MGMT: variants seen among roughly 807,000 people sequenced by gnomAD.
MGMT encodes the protein O-6-methylguanine-DNA methyltransferase.
In MGMT, 14 loss-of-function variants were observed where a neutral mutation model predicts 15.9. The observed-to-expected ratio is 0.88, with a 90% confidence interval of 0.58 to 1.37. MGMT has a LOEUF of 1.37. Among genes scored for constraint, MGMT ranks in the 40% most tolerant of loss-of-function variants. The pLI is 0.00. For missense variants in MGMT, 282 were observed against 268.1 expected (o/e 1.05, Z -0.36); for synonymous variants, 130 against 118.2 (o/e 1.10, Z -0.65).
At chr10:129,604,995 A>G (rs1270866615) in intron 2 of MGMT, among the ~76,000 whole-genome samples, 3 of 152,168 alleles carry the variant, frequency 2.0e-5, no homozygotes, top group Non-Finnish European at 1.5e-5. Flanking sequence ...GCACAGGATT[A>G]TCTGTCTGCC....
intron 1 of MGMT, among the ~76,000 whole-genome samples, chr10:129,469,067 G>A (rs1403358388): frequency 6.6e-6 from 1 of 152,056 alleles, no homozygotes; most frequent in Non-Finnish European, 1.5e-5. Flanking sequence ...GATATCACCT[G>A]GGCCTTACTT....
chr10:129,646,754 A>ATATTTT, intron 2 of MGMT, among the ~76,000 whole-genome samples: 2 of 86,678 alleles, frequency 2.3e-5, no homozygotes, highest in African/African-American at 7.9e-5. Flanking sequence ...ATATATATAT[A>ATATTTT]TTTTCAGGGA....
intron 3 of MGMT, among the ~76,000 whole-genome samples, chr10:129,749,287 G>A (rs1177681850): frequency 6.6e-6 from 1 of 152,008 alleles, no homozygotes; most frequent in African/African-American, 2.4e-5. Flanking sequence ...CACCTATTCA[G>A]TCCCCCGCTC....
Position 129,532,019 on chromosome 10 carries a change from T to C in MGMT, c.-12-4222T>C, listed in dbSNP as rs894844080. Among the ~76,000 whole-genome samples the C allele has an allele frequency of 3.3e-5, 5 of 152,230 alleles. No individual in the cohort carries two copies. Among genetic ancestry groups the C allele is most frequent in the African/African-American group, 1.2e-4 (5 of 41,460 alleles). On this transcript the variant is annotated intron_variant, in intron 1 of 4. Coordinates refer to ENST00000651593, the MANE Select transcript of MGMT (RefSeq NM_002412.5). This position sits in a 1 kb window ranked among gnomAD's most constrained non-coding sequence, Gnocchi z 5.3. ...TTCATTGTTGCAGTTATAAACTGGT[T>C]GCCTTTTTTCGGTTCTTGGAATGAT...
chr10:129,618,191 T>A (rs1564738771), intron 2 of MGMT, among the ~76,000 whole-genome samples: 1 of 152,164 alleles, frequency 6.6e-6, no homozygotes, highest in South Asian at 2.1e-4. Context: ...AAACTTTTTT[T>A]AAAAAGGATT....
intron 1 of MGMT, among the ~76,000 whole-genome samples, chr10:129,512,503 G>T (rs1252416764): frequency 6.6e-6 from 1 of 152,172 alleles, no homozygotes; most frequent in Non-Finnish European, 1.5e-5. Flanking sequence ...TCGTTCTCAT[G>T]CCTTTGAGCT....
At chr10:129,673,055 C>G (rs1307163757) in intron 2 of MGMT, among the ~76,000 whole-genome samples, 2 of 152,136 alleles carry the variant, frequency 1.3e-5, no homozygotes, top group African/African-American at 4.8e-5. Flanking sequence ...CACTTTTACT[C>G]CTACAAGGTG....
chr10:129,675,894 G>A (rs1449560523), intron 2 of MGMT, among the ~76,000 whole-genome samples: 2 of 152,044 alleles, frequency 1.3e-5, no homozygotes, highest in East Asian at 3.9e-4. Context: ...CACCCACCAG[G>A]TCCCTTTTCC....
chr10:129,564,609 CCCT>C (rs1183900607), intron 2 of MGMT, among the ~76,000 whole-genome samples: 4 of 73,290 alleles, frequency 5.5e-5, no homozygotes, highest in Admixed American at 1.4e-4. Flanking sequence ...CTCCTCCTCC[CCCT>C]CCTCCTCCTC....
intron 3 of MGMT, among the ~76,000 whole-genome samples, chr10:129,738,463 C>T (rs1848592329): frequency 6.6e-6 from 1 of 152,256 alleles, no homozygotes; most frequent in African/African-American, 2.4e-5. Flanking sequence ...CTGGCACTCC[C>T]TAGTGAGATG....
At chr10:129,751,960 GAA>G (rs1848754723) in intron 3 of MGMT, among the ~76,000 whole-genome samples, 1 of 151,852 alleles carries the variant, frequency 6.6e-6, no homozygotes, top group Admixed American at 6.6e-5. Flanking sequence ...ATGCACACTT[GAA>G]AAGAGTATAG....
intron 2 of MGMT, among the ~76,000 whole-genome samples, chr10:129,559,027 A>G (rs148448925): frequency 1.3e-3 from 194 of 152,292 alleles, no homozygotes; most frequent in Non-Finnish European, 2.4e-3. Context: ...TTTGTGCAGC[A>G]GCTAGGTGAT....
intron 2 of MGMT, among the ~76,000 whole-genome samples, chr10:129,615,661 G>A (rs1017124909): frequency 7.2e-5 from 11 of 152,136 alleles, no homozygotes; most frequent in African/African-American, 2.7e-4. Context: ...TGGCGTGGAT[G>A]AGAGCATCTC....
chr10:129,752,771 T>C (rs893836517), intron 3 of MGMT, among the ~76,000 whole-genome samples: 2 of 152,132 alleles, frequency 1.3e-5, no homozygotes, highest in African/African-American at 4.8e-5. Flanking sequence ...ATGCATTATG[T>C]TTACATAAAT....
intron 4 of MGMT, among the ~76,000 whole-genome samples, chr10:129,764,905 T>A (rs1848915768): frequency 1.3e-5 from 2 of 152,090 alleles, no homozygotes; most frequent in Admixed American, 1.3e-4. Flanking sequence ...ATGAATGTGC[T>A]GCCCTCCAGC....
rs1846354427 is a variant in MGMT at position 129,566,350 on chromosome 10, G to C, written c.125+29973G>C. 6.6e-6 allele frequency among the ~76,000 whole-genome samples: 1 copy of C among 152,212 alleles called. No homozygotes were observed. Among genetic ancestry groups the C allele is most frequent in the Non-Finnish European group, 1.5e-5 (1 of 68,028 alleles). Reference sequence around the variant, plus strand: ...GTTGCCAAGGAGATGCTCGCTCGGAGTGGTTGCTCTGGCTCTGGGATTCCA... The same window carrying C: ...GTTGCCAAGGAGATGCTCGCTCGGACTGGTTGCTCTGGCTCTGGGATTCCA... On this transcript the variant is annotated intron_variant, in intron 2 of 4. Coordinates refer to ENST00000651593, the MANE Select transcript of MGMT (RefSeq NM_002412.5). This position sits in a 1 kb window ranked among gnomAD's most constrained non-coding sequence, Gnocchi z 4.1.
chr10:129,700,523 A>T (rs1848086443), intron 2 of MGMT: 1 of 151,108 alleles, frequency 6.6e-6, no homozygotes, highest in African/African-American at 2.4e-5. Context: ...TGTGTGTTTG[A>T]CCCTCACCTT....
intron 2 of MGMT, among the ~76,000 whole-genome samples, chr10:129,688,180 A>C (rs952125186): frequency 1.3e-5 from 2 of 152,200 alleles, no homozygotes; most frequent in African/African-American, 2.4e-5. Context: ...TAGCAGCATG[A>C]TTTATAATCC....
chr10:129,749,649 T>C (rs1263830120), intron 3 of MGMT, among the ~76,000 whole-genome samples: 2 of 152,176 alleles, frequency 1.3e-5, no homozygotes, highest in African/African-American at 4.8e-5. Context: ...AGGTGTGCAA[T>C]TGCCAGATCA....
Sources: gnomAD v4.1 joint callset for allele counts (sites outside exome capture counted in the v4.1 genomes callset) on GRCh38, gnomAD v4.1.1 for gene constraint, Gnocchi (gnomAD v3.1) non-coding constraint, MANE v1.5 for transcripts, NCBI Gene and HGNC (gene_info 2026-07-23, HGNC 2026-07-21) for gene names.